The following SOX6 variants were observed in gnomAD, a reference collection of about 807,000 sequenced individuals.
The protein encoded by SOX6 is SRY-box transcription factor 6.
SOX6 carries 11 observed loss-of-function variants against 97.8 expected under a neutral mutation model. That is an observed-to-expected ratio of 0.11 (90% CI 0.07 to 0.19). The LOEUF is 0.19. Among genes scored for constraint, SOX6 ranks in the 10% least tolerant of loss-of-function variants. The probability of loss-of-function intolerance (pLI) is 1.00; values close to 1 mark genes in which losing one functional copy is unlikely to be tolerated. For synonymous variants in SOX6, 360 were observed against 371.4 expected, an observed-to-expected ratio of 0.97 and a Z score of 0.35; for missense variants, 810 against 1,039.5, an observed-to-expected ratio of 0.78 and a Z score of 3.04.
intron 6 of SOX6, among the ~76,000 whole-genome samples, chr11:16,174,335 C>T (rs779206604): frequency 4.6e-5 from 7 of 151,906 alleles, no homozygotes; most frequent in Non-Finnish European, 7.4e-5. Flanking sequence ...AATTCCTTAA[C>T]TTTCATTGTT....
intron 1 of SOX6, among the ~76,000 whole-genome samples, chr11:16,392,632 A>T (rs577497487): frequency 1.3e-5 from 2 of 152,240 alleles, no homozygotes; most frequent in South Asian, 4.1e-4. Flanking sequence ...AAACAAAATG[A>T]TTCCTCTTGT....
chr11:16,114,072 C>T (rs192700857), intron 6 of SOX6, among the ~76,000 whole-genome samples: 114 of 152,234 alleles, frequency 7.5e-4, no homozygotes, highest in Non-Finnish European at 1.3e-3. Context: ...GGCTGTATAA[C>T]ACCATATGTT....
At chr11:16,100,573 C>T (rs956410083) in intron 7 of SOX6, among the ~76,000 whole-genome samples, 1 of 151,550 alleles carries the variant, frequency 6.6e-6, no homozygotes, top group Non-Finnish European at 1.5e-5. Flanking sequence ...CAGCAAGAGT[C>T]CCTAAATGAG....
intron 2 of SOX6, among the ~76,000 whole-genome samples, chr11:16,723,163 A>G (rs1848279380): frequency 1.3e-5 from 2 of 152,360 alleles, no homozygotes; most frequent in African/African-American, 2.4e-5. Context: ...GGATGAGATC[A>G]TGTCTTCTGC....
intron 1 of SOX6, among the ~76,000 whole-genome samples, chr11:16,348,518 A>G (rs1856827654): frequency 6.6e-6 from 1 of 152,174 alleles, no homozygotes; most frequent in South Asian, 2.1e-4. Context: ...GTTATTTAAT[A>G]ATAAGATTTA....
At chr11:16,447,613 A>C (rs1859639392) in intron 1 of SOX6, among the ~76,000 whole-genome samples, 1 of 152,178 alleles carries the variant, frequency 6.6e-6, no homozygotes, top group Non-Finnish European at 1.5e-5. Flanking sequence ...AGTAGAGTAC[A>C]AAATTTATCT....
At chr11:16,411,121 G>T (rs1278432597) in intron 1 of SOX6, among the ~76,000 whole-genome samples, 1 of 152,072 alleles carries the variant, frequency 6.6e-6, no homozygotes, top group Admixed American at 6.6e-5. Flanking sequence ...CAAATTTGGG[G>T]TCATCTGAAG....
At chr11:16,697,232 G>A (rs907536862) in intron 3 of SOX6, among the ~76,000 whole-genome samples, 1 of 152,128 alleles carries the variant, frequency 6.6e-6, no homozygotes, top group African/African-American at 2.4e-5. Context: ...TCATCCATGA[G>A]GGTTGGAATC....
rs186330989 is a variant in SOX6, at chr11:16,428,615, T to G, written c.-5+47700A>C. On this transcript the variant is annotated intron_variant, in intron 1 of 15. Coordinates refer to the SOX6 transcript ENST00000396356. ...CCCCATTTCTTGTTTTTGTCAGGTTTGTCATAGATCAGATAGTTGTAGATA... is the reference window on the plus strand; with the variant it reads ...CCCCATTTCTTGTTTTTGTCAGGTTGGTCATAGATCAGATAGTTGTAGATA... Among the ~76,000 whole-genome samples, 234 of 152,332 alleles carry G rather than the reference T, an allele frequency of 1.5e-3. 7 individuals are homozygous for G. The East Asian group carries it at 0.038, about 25-fold the overall frequency.
chr11:16,094,601 A>G (rs572962073), intron 9 of SOX6, among the ~76,000 whole-genome samples: 3 of 152,028 alleles, frequency 2.0e-5, no homozygotes, highest in South Asian at 2.1e-4. Flanking sequence ...TCCTGAGTAG[A>G]TAAGCTTGCT....
chr11:16,394,030 A>T (rs561686059), intron 1 of SOX6, among the ~76,000 whole-genome samples: 1 of 152,092 alleles, frequency 6.6e-6, no homozygotes, highest in East Asian at 1.9e-4. Context: ...CAGTTTTCCT[A>T]GCTGTGAAAC....
At chr11:16,177,882 C>T (rs140704320) in intron 6 of SOX6, among the ~76,000 whole-genome samples, 11 of 151,994 alleles carry the variant, frequency 7.2e-5, no homozygotes, top group South Asian at 6.2e-4. Flanking sequence ...ACTTTAATTC[C>T]GGAAAGAAGC....
intron 1 of SOX6, among the ~76,000 whole-genome samples, chr11:16,409,643 C>T (rs916770760): frequency 6.6e-5 from 10 of 151,892 alleles, no homozygotes; most frequent in African/African-American, 2.2e-4. Flanking sequence ...AGTTTTGTCA[C>T]GGTTATCCTA....
intron 2 of SOX6, among the ~76,000 whole-genome samples, chr11:16,729,866 T>C (rs1485765440): frequency 2.6e-5 from 4 of 151,590 alleles, no homozygotes; most frequent in African/African-American, 9.7e-5. Flanking sequence ...AATAAAGGGA[T>C]AGAGGAATAT....
In SOX6 at chr11:16,560,549, A is replaced by C. The variant is rs1296459086; in HGVS notation, n.609+51532T>G. On this transcript the variant is annotated intron_variant and non_coding_transcript_variant, in intron 4 of 5. Transcript: ENST00000524520. Reference sequence around the variant, plus strand: ...CGTACATATATGTTTATACGTACATATGTTTATACGTACATATATGTTTAT... The same window carrying C: ...CGTACATATATGTTTATACGTACATCTGTTTATACGTACATATATGTTTAT... Among the ~76,000 whole-genome samples the C allele has an allele frequency of 1.8e-5, 2 of 112,984 alleles. 1 individual carries two copies. The highest frequency in any genetic ancestry group is 4.1e-5 in the Non-Finnish European group (2 of 48,646). The allele number at this position is 112,984 out of a possible 152,430, so 74.1% of individuals were successfully genotyped here. A position where few individuals can be genotyped will look rare whatever the true frequency, so the allele number is the denominator to read the frequency against.
chr11:16,422,626 A>G (rs996945695), intron 1 of SOX6, among the ~76,000 whole-genome samples: 1 of 152,172 alleles, frequency 6.6e-6, no homozygotes, highest in African/African-American at 2.4e-5. Flanking sequence ...ACCATTATAC[A>G]CTTTATTCAC....
rs558151039 is a variant in SOX6 at position 16,716,543 on chromosome 11, C to T, written n.354-1638G>A. Among the ~76,000 whole-genome samples, 3 of 152,184 alleles carry T rather than the reference C, an allele frequency of 2.0e-5. No individual in the cohort carries two copies. In the South Asian group the frequency reaches 6.2e-4, roughly 32 times the overall value. Reference sequence around the variant, plus strand: ...GAGCATATGGGAGTATAAATTGGTACAAGCAGTTTGGAAAACCTTTTGGCA... The same window carrying T: ...GAGCATATGGGAGTATAAATTGGTATAAGCAGTTTGGAAAACCTTTTGGCA... On this transcript the variant is annotated intron_variant and non_coding_transcript_variant, in intron 2 of 5. Coordinates refer to the SOX6 transcript ENST00000524520.
At chr11:16,287,813 C>A (rs1043201274) in intron 3 of SOX6, among the ~76,000 whole-genome samples, 15 of 152,098 alleles carry the variant, frequency 9.9e-5, no homozygotes, top group African/African-American at 3.6e-4. Flanking sequence ...ACACATTTGA[C>A]CCCACACTGG....
rs1847646602 is a variant in SOX6, at chr11:16,651,180, CTATCAG to C, written n.430-38926_430-38921del. Among the ~76,000 whole-genome samples, 4 of 152,166 alleles carry C rather than the reference CTATCAG, an allele frequency of 2.6e-5. 1 individual carries two copies. In the South Asian group the frequency reaches 6.2e-4, roughly 24 times the overall value. ...GACCAAATGAATTCACAGATAAATTCTATCAGACTTTCAAAGAAAAATCAGTACCAA... is the reference window on the plus strand; with the variant it reads ...GACCAAATGAATTCACAGATAAATTCACTTTCAAAGAAAAATCAGTACCAA... On this transcript the variant is annotated intron_variant and non_coding_transcript_variant, in intron 3 of 5. Transcript: ENST00000524520.
Sources: gnomAD v4.1 joint callset for allele counts (sites outside exome capture counted in the v4.1 genomes callset) on GRCh38, gnomAD v4.1.1 for gene constraint, MANE v1.5 for transcripts, NCBI Gene and HGNC (gene_info 2026-07-23, HGNC 2026-07-21) for gene names.